The following NFX1 variants were observed in gnomAD, a reference collection of about 807,000 sequenced individuals.
The protein encoded by NFX1 is nuclear transcription factor, X-box binding 1, also known as transcriptional repressor NF-X1.
Under a neutral mutation model 137.2 loss-of-function variants are expected in NFX1, and 69 were observed. The observed-to-expected ratio is 0.50, with a 90% CI of 0.41 to 0.61. NFX1 has a LOEUF of 0.61. NFX1 is among the 20% of genes least tolerant of loss of function. NFX1 has a pLI of 0.00. For missense variants in NFX1, 1,167 were observed against 1,391.0 expected (o/e 0.84, Z 2.56); for synonymous variants, 495 against 474.1 (o/e 1.04, Z -0.57).
chr9:33,310,694 G>A (rs1821931616), intron 5 of NFX1, among the ~76,000 whole-genome samples: 1 of 152,132 alleles, frequency 6.6e-6, no homozygotes, highest in African/African-American at 2.4e-5. Context: ...GGACCAGGTA[G>A]ATTTGAGTTC....
At chr9:33,336,511 C>G (rs1290226294) in intron 11 of NFX1, among the ~76,000 whole-genome samples, 1 of 152,078 alleles carries the variant, frequency 6.6e-6, no homozygotes, top group Non-Finnish European at 1.5e-5. Context: ...ACCGCACCGA[C>G]CATTTTTGGG....
intron 2 of NFX1, among the ~76,000 whole-genome samples, chr9:33,296,137 G>C (rs185488640): frequency 6.6e-6 from 1 of 152,246 alleles, no homozygotes; most frequent in East Asian, 1.9e-4. Flanking sequence ...ATGTTGGCCA[G>C]GCTAGTCTCA....
intron 19 of NFX1, 118 bp downstream of exon 19, chr9:33,355,010 T>C (rs1017175728): frequency 5.2e-5 from 49 of 935,460 alleles, no homozygotes; most frequent in Middle Eastern, 2.6e-4. Context: ...TTTACCGTTA[T>C]CAAAGAGCAA....
chr9:33,296,413 C>G (rs546522065), intron 2 of NFX1, among the ~76,000 whole-genome samples: 1 of 152,242 alleles, frequency 6.6e-6, no homozygotes, highest in African/African-American at 2.4e-5. Context: ...AGTTCGCTGA[C>G]GAAGTCTTAC....
chr9:33,339,259 G>C (rs775029226), intron 12 of NFX1, among the ~76,000 whole-genome samples: 2 of 152,162 alleles, frequency 1.3e-5, no homozygotes, highest in African/African-American at 4.8e-5. Context: ...TGGATCTACA[G>C]TTCCAAGTCG....
intron 4 of NFX1, 121 bp downstream of exon 4, chr9:33,303,389 C>A: frequency 1.3e-6 from 1 of 776,218 alleles, no homozygotes; most frequent in Non-Finnish European, 2.2e-6. Flanking sequence ...CTCTAGGAGT[C>A]TATAAGACTG....
chr9:33,309,547 T>C (rs1018309031), intron 5 of NFX1, among the ~76,000 whole-genome samples: 4 of 152,176 alleles, frequency 2.6e-5, no homozygotes, highest in Admixed American at 2.6e-4. Flanking sequence ...TTTCTTTTAC[T>C]TTCAGGACCA....
intron 14 of NFX1, among the ~76,000 whole-genome samples, chr9:33,345,752 C>G (rs531236858): frequency 1.3e-5 from 2 of 152,266 alleles, no homozygotes; most frequent in Admixed American, 6.5e-5. Flanking sequence ...TGTCCTGTTA[C>G]ATGGATGGGC....
chr9:33,294,207 A>G (rs1482647988), intron 1 of NFX1, among the ~76,000 whole-genome samples: 7 of 152,224 alleles, frequency 4.6e-5, no homozygotes, highest in Non-Finnish European at 2.9e-5. Context: ...GTCATTGGCT[A>G]TTGGTGTTTG....
Position 33,366,766 on chromosome 9 carries a change from T to C in NFX1, c.3177T>C (p.Thr1059=). Residue 1059 remains threonine, a synonymous_variant, in exon 22 of 24, where the codon ACT becomes ACC. Coordinates refer to ENST00000379540, the MANE Select transcript of NFX1 (RefSeq NM_002504.6). ...AACCGAAGCGCAATGTGGTGGTCAC[T>C]GCCATCAGGTAGGTCAATCCCGCCG... ...DSEPKRNVVV[T]AIRGKSVCPP... is the part of the protein sequence containing the mutation. The C allele has an allele frequency of 6.2e-7, 1 of 1,613,920 alleles. No homozygotes were observed. The highest frequency in any genetic ancestry group is 8.5e-7 in the Non-Finnish European group (1 of 1,179,814).
chr9:33,333,823 A>G (rs1587851028), intron 11 of NFX1, among the ~76,000 whole-genome samples: 1 of 152,192 alleles, frequency 6.6e-6, no homozygotes, highest in Non-Finnish European at 1.5e-5. Context: ...TGCCATCTGT[A>G]TCAAGGAAAA....
rs1821289511 is a variant in NFX1 at position 33,294,780 on chromosome 9, C to T, written c.386C>T (p.Ser129Leu). Residue 129 changes from serine to leucine, a missense_variant, in exon 2 of 24, where the codon TCA becomes TTA. Coordinates refer to ENST00000379540, the MANE Select transcript of NFX1 (RefSeq NM_002504.6). Reference protein sequence around the residue: ...KKAQSLAEQTSDTAGLESSTR... With the variant: ...KKAQSLAEQTLDTAGLESSTR... The stretch of plus-strand genomic sequence containing the variant: ...GCACAGAGTCTTGCTGAGCAGACCT[C>T]AGATACAGCTGGATTAGAGAGCTCG... 1 of 1,613,954 alleles carries T rather than the reference C, an allele frequency of 6.2e-7. No homozygotes were observed. The highest frequency in any genetic ancestry group is 1.7e-5 in the Admixed American group (1 of 60,008).
At chr9:33,313,313 G>T (rs1822031903) in intron 6 of NFX1, among the ~76,000 whole-genome samples, 2 of 152,126 alleles carry the variant, frequency 1.3e-5, no homozygotes, top group South Asian at 4.1e-4. Context: ...AGTGGGCCGG[G>T]CGTGGTGGCT....
At chr9:33,342,128 T>TCA (rs150408873) in intron 12 of NFX1, among the ~76,000 whole-genome samples, 6,692 of 146,126 alleles carry the variant, frequency 0.046, 276 homozygotes, top group African/African-American at 0.11. Context: ...TCTCTCTCTC[T>TCA]CACACACACA....
chr9:33,359,578 G>A (rs1027007813), intron 19 of NFX1, among the ~76,000 whole-genome samples: 1 of 151,552 alleles, frequency 6.6e-6, no homozygotes, highest in Non-Finnish European at 1.5e-5. Flanking sequence ...TAGCCTAGAC[G>A]ATACAGCAAG....
chr9:33,314,254 G>T (rs1822072131), intron 7 of NFX1, among the ~76,000 whole-genome samples: 1 of 151,928 alleles, frequency 6.6e-6, no homozygotes, highest in East Asian at 1.9e-4. Context: ...CAAAGTGCTG[G>T]GATTACAGGC....
At chr9:33,323,247 T>G (rs1441304355) in intron 9 of NFX1, among the ~76,000 whole-genome samples, 1 of 151,892 alleles carries the variant, frequency 6.6e-6, no homozygotes, top group South Asian at 2.1e-4. Context: ...TCTAGCCAAG[T>G]CACAAAACAA....
intron 11 of NFX1, among the ~76,000 whole-genome samples, chr9:33,333,035 G>A (rs1363687246): frequency 6.6e-6 from 1 of 152,088 alleles, no homozygotes; most frequent in African/African-American, 2.4e-5. Context: ...TGGTAGAGAC[G>A]GGGTTTCACT....
At chr9:33,340,597 CTCAGAAAATAGGATTTTCTTT>C (rs1425077590) in intron 12 of NFX1, among the ~76,000 whole-genome samples, 3 of 152,220 alleles carry the variant, frequency 2.0e-5, no homozygotes, top group Non-Finnish European at 2.9e-5. Flanking sequence ...TGATTTTCTT[CTCAGAAAATAGGATTTTCTTT>C]TCTCTCACAT....
Sources: gnomAD v4.1 joint callset for allele counts (sites outside exome capture counted in the v4.1 genomes callset) on GRCh38, gnomAD v4.1.1 for gene constraint, MANE v1.5 for transcripts, NCBI Gene and HGNC (gene_info 2026-07-23, HGNC 2026-07-21) for gene names.